Variants in SERPINC1 observed in about 807,000 individuals in gnomAD.
SERPINC1 encodes the protein serpin family C member 1.
Under a neutral mutation model 43.4 loss-of-function variants are expected in SERPINC1, and 12 were observed. The ratio of observed to expected loss-of-function variants is 0.28; its 90% CI spans 0.18 to 0.45. The LOEUF (loss-of-function observed/expected upper bound fraction) is 0.45, where lower values mean the gene tolerates loss of function less well. Ranked by LOEUF, SERPINC1 falls within the 20% of genes least tolerant of loss-of-function variation. The probability of loss-of-function intolerance (pLI) is 1.00; values close to 1 mark genes in which losing one functional copy is unlikely to be tolerated. For synonymous variants in SERPINC1, 210 were observed against 218.9 expected (o/e 0.96, Z 0.36); for missense variants, 423 against 578.8 (o/e 0.73, Z 2.76).
rs121909552 is a variant in SERPINC1 at position 173,914,725 on chromosome 1, C to T, written c.236G>A (p.Arg79His). Residue 79 changes from arginine (R) to histidine (H), a missense_variant, in exon 2 of 7, where the codon CGT (arginine) becomes CAT (histidine). Coordinates refer to ENST00000367698, the MANE Select transcript of SERPINC1 (RefSeq NM_000488.4). ...EQKIPEATNR[R>H]VWELSKANSR... The stretch of plus-strand genomic sequence containing the variant: ...ATTGGCCTTGGACAGTTCCCAGACA[C>T]GCCGGTTGGTGGCCTCCGGGATCTT... 2.3e-4 allele frequency: 364 copies of T among 1,614,228 alleles called. No individual in the cohort carries two copies. The highest frequency in any genetic ancestry group is 2.8e-4 in the Non-Finnish European group (336 of 1,180,044).
chr1:173,912,797 G>A (rs1657824759), intron 2 of SERPINC1, among the ~76,000 whole-genome samples: 1 of 152,072 alleles, frequency 6.6e-6, no homozygotes, highest in Non-Finnish European at 1.5e-5. Context: ...TTGTGTAGAG[G>A]GGAGGACCAA....
intron 6 of SERPINC1, among the ~76,000 whole-genome samples, chr1:173,906,635 CTTTTT>C (rs746811672): frequency 7.1e-6 from 1 of 141,272 alleles, no homozygotes; most frequent in South Asian, 2.3e-4. Flanking sequence ...AGTCTCCAAA[CTTTTT>C]TTTTTTTTTT....
rs1487411568 is a variant in SERPINC1 at position 173,903,969 on chromosome 1, G to T, written c.1315C>A (p.Pro439Thr). Residue 439 changes from proline to threonine, a missense_variant, in exon 7 of 7, where the codon CCT becomes ACT. Physicochemically the swap from Pro to Thr is conservative, Grantham distance 38. Transcript: ENST00000367698. ...PNRVTFKANR[P>T]FLVFIREVPL... ...ACTTCTCTTATAAAAACCAGGAAAGGCCTGTTGGCCTTGAAAGTCACCCTG... is the reference window on the plus strand; with the variant it reads ...ACTTCTCTTATAAAAACCAGGAAAGTCCTGTTGGCCTTGAAAGTCACCCTG... The T allele has an allele frequency of 1.2e-6, 2 of 1,614,008 alleles. No individual in the cohort carries two copies. Among genetic ancestry groups the T allele is most frequent in the East Asian group, 2.2e-5 (1 of 44,900 alleles).
intron 5 of SERPINC1, among the ~76,000 whole-genome samples, chr1:173,909,078 G>A (rs183110141): frequency 8.7e-4 from 132 of 152,114 alleles, no homozygotes; most frequent in East Asian, 1.4e-3. Context: ...CATGAGAATC[G>A]CTTGAACCCG....
intron 5 of SERPINC1, among the ~76,000 whole-genome samples, chr1:173,908,512 AG>A (rs1426224324): frequency 1.7e-4 from 26 of 148,666 alleles, no homozygotes; most frequent in Admixed American, 6.7e-4. Context: ...AAAAAAAAAA[AG>A]GTCAATAAAG....
Position 173,907,423 on chromosome 1 carries a change from C to G in SERPINC1, c.1218+27G>C, listed in dbSNP as rs677. The G allele has an allele frequency of 0.12, 184,947 of 1,567,420 alleles. 12,135 individuals are homozygous for G. The highest frequency in any genetic ancestry group is 0.23 in the East Asian group (10,448 of 44,626). ...TGTTCATGCATCTCCTTTCTGTACC[C>G]TAAGAGAGTGGGGAAGGTGTACTCA... On this transcript the variant is annotated intron_variant, in intron 6 of 6. Transcript: ENST00000367698.
chr1:173,915,094 T>C (rs1657934076), intron 1 of SERPINC1, 175 bp from the exon 2 acceptor site: 16 of 1,473,802 alleles, frequency 1.1e-5, no homozygotes, highest in African/African-American at 1.4e-5. Flanking sequence ...CTAGACTTCT[T>C]GCCAGGGGAC....
At chr1:173,914,093 C>T (rs1424850906) in intron 2 of SERPINC1, among the ~76,000 whole-genome samples, 1 of 149,842 alleles carries the variant, frequency 6.7e-6, no homozygotes, top group East Asian at 2.0e-4. Flanking sequence ...AAAAAAAATA[C>T]TATCCTAGAA....
At chr1:173,906,204 C>T (rs1460581061) in intron 6 of SERPINC1, among the ~76,000 whole-genome samples, 1 of 152,214 alleles carries the variant, frequency 6.6e-6, no homozygotes, top group Admixed American at 6.5e-5. Context: ...TCTCAGGGCC[C>T]ATCCCAGAAT....
At chr1:173,913,337 C>T (rs1187860405) in intron 2 of SERPINC1, among the ~76,000 whole-genome samples, 1 of 152,128 alleles carries the variant, frequency 6.6e-6, no homozygotes, top group African/African-American at 2.4e-5. Context: ...TCTTATCATG[C>T]CCTACTTCCC....
At chr1:173,915,061 A>G (rs1657932769) in intron 1 of SERPINC1, 142 bp from the exon 2 acceptor site, 2 of 1,522,022 alleles carry the variant, frequency 1.3e-6, no homozygotes, top group Admixed American at 4.0e-5. Flanking sequence ...AACCAAGTAC[A>G]GGGGCCCGGG....
At chr1:173,914,532 G>A (rs1035248498) in intron 2 of SERPINC1, 21 bp downstream of exon 2, 3 of 1,613,466 alleles carry the variant, frequency 1.9e-6, no homozygotes, top group Non-Finnish European at 1.7e-6. Flanking sequence ...AGGTGGCTGG[G>A]CAGAAGACCT....
chr1:173,906,504 A>C (rs1316782612), intron 6 of SERPINC1, among the ~76,000 whole-genome samples: 1 of 152,142 alleles, frequency 6.6e-6, no homozygotes, highest in Non-Finnish European at 1.5e-5. Flanking sequence ...GTTGGAGCAC[A>C]CTTTAAGACA....
intron 6 of SERPINC1, among the ~76,000 whole-genome samples, chr1:173,906,079 T>C (rs755319562): frequency 1.3e-5 from 2 of 152,092 alleles, no homozygotes; most frequent in Non-Finnish European, 2.9e-5. Context: ...ATCTCTACCA[T>C]TGTCCAATCT....
intron 2 of SERPINC1, among the ~76,000 whole-genome samples, chr1:173,913,947 G>A (rs577778413): frequency 2.0e-5 from 3 of 151,988 alleles, no homozygotes; most frequent in Admixed American, 6.5e-5. Flanking sequence ...GCGTGATGGC[G>A]TGTGCCTGTA....
At chr1:173,915,236 A>G (rs1404762436) in intron 1 of SERPINC1, 2 of 1,229,570 alleles carry the variant, frequency 1.6e-6, no homozygotes, top group Non-Finnish European at 2.1e-6. Context: ...TGGAATGTGC[A>G]TGCCTAAAAA....
At position 173,910,538 on chromosome 1, in the gene SERPINC1, G is replaced by A. The variant is rs1441793826; in HGVS notation, c.762+216C>T. ...GAAGCTTGCAGTGAGCCGAGATCAC[G>A]CCACTGCACTCCAGCCTGGGCGACA... is the stretch of plus-strand genomic sequence containing the variant. On this transcript the variant is annotated intron_variant, in intron 4 of 6. Coordinates refer to ENST00000367698, the MANE Select transcript of SERPINC1 (RefSeq NM_000488.4). Among the ~76,000 whole-genome samples, 12 of 152,194 alleles carry A rather than the reference G, an allele frequency of 7.9e-5. 1 individual carries two copies. Among genetic ancestry groups the A allele is most frequent in the Middle Eastern group, 6.8e-3 (2 of 294 alleles).
chr1:173,906,611 G>A (rs1197108524), intron 6 of SERPINC1, among the ~76,000 whole-genome samples: 1 of 151,862 alleles, frequency 6.6e-6, no homozygotes, highest in Admixed American at 6.6e-5. Flanking sequence ...CTCAGGGAAA[G>A]GTAAACTATG....
chr1:173,911,686 T>G, intron 3 of SERPINC1, 113 bp downstream of exon 3: 1 of 871,514 alleles, frequency 1.1e-6, no homozygotes, highest in Non-Finnish European at 1.9e-6. Context: ...TAGTCAGCCC[T>G]CCAGCAGTCT....
Sources: allele counts gnomAD v4.1 joint callset (sites outside exome capture counted in the v4.1 genomes callset), GRCh38; gene constraint gnomAD v4.1.1; transcripts MANE v1.5; gene names NCBI Gene and HGNC (gene_info 2026-07-23, HGNC 2026-07-21).